JCAD: variants seen among roughly 807,000 people sequenced by gnomAD.
JCAD encodes junctional cadherin 5-associated protein.
Under a neutral mutation model 98.0 loss-of-function variants are expected in JCAD, and 40 were observed. The observed-to-expected ratio is 0.41, with a 90% CI of 0.32 to 0.53. The LOEUF (loss-of-function observed/expected upper bound fraction) is 0.53. Among genes scored for constraint, JCAD ranks in the 20% least tolerant of loss-of-function variants. The pLI is 0.31. For synonymous variants in JCAD, 691 were observed against 682.3 expected, an observed-to-expected ratio of 1.01 and a Z score of -0.20; for missense variants, 1,705 against 1,738.1, an observed-to-expected ratio of 0.98 and a Z score of 0.34.
Position 30,014,068 on chromosome 10 carries a change from C to A in JCAD, c.*3815G>T, listed in dbSNP as rs1056159314. 3 of 152,286 alleles carry A rather than the reference C, an allele frequency of 2.0e-5. No homozygotes were observed. In the East Asian group the frequency reaches 5.8e-4, roughly 29 times the overall value. The allele number at this position is 152,286 out of a possible 1,614,324, so 9.4% of individuals were successfully genotyped here. On this transcript the variant is annotated 3_prime_UTR_variant, in exon 4 of 4. Coordinates refer to ENST00000375377, the MANE Select transcript of JCAD (RefSeq NM_020848.4). ...CTTTAATGTTATTTTATCATCTCCCCCTTCTTAGTGTGGTGGGTCCCAGAG... is the reference window on the plus strand; with the variant it reads ...CTTTAATGTTATTTTATCATCTCCCACTTCTTAGTGTGGTGGGTCCCAGAG...
chr10:30,102,824 T>C (rs1189897806), intron 1 of JCAD, among the ~76,000 whole-genome samples: 1 of 151,628 alleles, frequency 6.6e-6, no homozygotes, highest in Non-Finnish European at 1.5e-5. Context: ...GGAGGCCTCA[T>C]AATCGTGGCA....
chr10:30,105,857 A>C (rs1185755204), intron 1 of JCAD, among the ~76,000 whole-genome samples: 1 of 152,214 alleles, frequency 6.6e-6, no homozygotes, highest in East Asian at 1.9e-4. Flanking sequence ...AGTGTAAAAC[A>C]TCAAAAGCTG....
At chr10:30,082,862 AAAAAAAAAAAAAAAAC>A (rs1230557064) in intron 1 of JCAD, among the ~76,000 whole-genome samples, 1 of 147,706 alleles carries the variant, frequency 6.8e-6, no homozygotes. Context: ...AAAAAAAAAA[AAAAAAAAAAAAAAAAC>A]AAAAAATTAG....
intron 1 of JCAD, among the ~76,000 whole-genome samples, chr10:30,052,267 T>A (rs1424193100): frequency 6.6e-6 from 1 of 152,194 alleles, no homozygotes; most frequent in Non-Finnish European, 1.5e-5. Flanking sequence ...CCTGAGTCAC[T>A]GCACAGGAGG....
At position 30,073,395 on chromosome 10, in the gene JCAD, T is replaced by C. The variant is rs533785975; in HGVS notation, n.129-3574A>G. ...AGCTGTTCTTACGCTGCACACTCCA[T>C]GAAGTTTGTGTGAGAATGAATGAGA... On this transcript the variant is annotated intron_variant and non_coding_transcript_variant, in intron 1 of 2. Transcript: ENST00000465712. 3.3e-5 allele frequency among the ~76,000 whole-genome samples: 5 copies of C among 152,290 alleles called. No individual in the cohort carries two copies. The East Asian group carries it at 9.7e-4, about 29-fold the overall frequency.
intron 2 of JCAD, among the ~76,000 whole-genome samples, chr10:30,042,044 G>C (rs1276622355): frequency 6.6e-6 from 1 of 152,046 alleles, no homozygotes; most frequent in Non-Finnish European, 1.5e-5. Context: ...GTCTTTTCCT[G>C]GACCACGTCA....
At chr10:30,103,988 G>A (rs188589568) in intron 1 of JCAD, among the ~76,000 whole-genome samples, 1 of 152,302 alleles carries the variant, frequency 6.6e-6, no homozygotes, top group East Asian at 1.9e-4. Flanking sequence ...CACAAAGAAA[G>A]TATCATGGGG....
chr10:30,019,646 G>T (rs1216905779), intron 3 of JCAD, among the ~76,000 whole-genome samples: 3 of 151,942 alleles, frequency 2.0e-5, no homozygotes, highest in Non-Finnish European at 4.4e-5. Context: ...CTGGCCAAAG[G>T]GTACAAACCC....
chr10:30,115,284 G>A (rs957824019), intron 1 of JCAD: 4 of 152,174 alleles, frequency 2.6e-5, no homozygotes, highest in African/African-American at 9.7e-5. Flanking sequence ...CTAGAAAGCA[G>A]CTGCCGTTTT....
Position 30,047,586 on chromosome 10 carries a change from G to T in JCAD, c.227C>A (p.Pro76Gln). ...VSDSESRRSTPRGHGEPQSTS... is the reference protein window; with the variant it reads ...VSDSESRRSTQRGHGEPQSTS... ...GCTCTGGGGCTCCCCGTGGCCTCTC[G>T]GTGTGCTGCGGCGGCTTTCGGAGTC... The change falls in exon 2 of 4, where the codon CCG (proline) becomes CAG (glutamine). Residue 76 changes from proline to glutamine, a missense_variant. Pro to Gln is a moderately conservative substitution (Grantham distance 76, BLOSUM62 -1). Coordinates refer to ENST00000375377, the MANE Select transcript of JCAD (RefSeq NM_020848.4). 6.2e-7 allele frequency: 1 copy of T among 1,614,112 alleles called. No homozygotes were observed. Among genetic ancestry groups the T allele is most frequent in the South Asian group, 1.1e-5 (1 of 91,076 alleles).
At chr10:30,063,076 TC>T (rs893677456), upstream of JCAD, among the ~76,000 whole-genome samples, 4 of 151,450 alleles carry the variant, frequency 2.6e-5, no homozygotes, top group Non-Finnish European at 5.9e-5. Flanking sequence ...AATTCCCTTA[TC>T]CCTACCCACT....
At chr10:30,038,323 G>A (rs555802513) in intron 2 of JCAD, among the ~76,000 whole-genome samples, 1 of 152,108 alleles carries the variant, frequency 6.6e-6, no homozygotes, top group Non-Finnish European at 1.5e-5. Flanking sequence ...AAAATCAGGG[G>A]CTGGGAGACT....
upstream of JCAD, among the ~76,000 whole-genome samples, chr10:30,063,773 G>A (rs1349345056): frequency 6.6e-6 from 1 of 151,836 alleles, no homozygotes; most frequent in East Asian, 1.9e-4. Context: ...AACTCATGTT[G>A]AAACTTAATC....
At chr10:30,044,544 C>T (rs1232319933) in intron 2 of JCAD, among the ~76,000 whole-genome samples, 1 of 152,120 alleles carries the variant, frequency 6.6e-6, no homozygotes, top group Non-Finnish European at 1.5e-5. Context: ...GGAGGCCAGC[C>T]CAGCAGAGGT....
chr10:30,019,539 T>G (rs1219526705), intron 3 of JCAD, among the ~76,000 whole-genome samples: 1 of 115,872 alleles, frequency 8.6e-6, no homozygotes. Context: ...CTCACCTATA[T>G]GTGGAATCAT....
chr10:30,055,693 T>C (rs1212264141), intron 1 of JCAD, among the ~76,000 whole-genome samples: 1 of 152,220 alleles, frequency 6.6e-6, no homozygotes, highest in Non-Finnish European at 1.5e-5. Flanking sequence ...AGTAATCATT[T>C]TAGGAGGACA....
chr10:30,092,064 A>ATAT (rs1447017693), intron 1 of JCAD, among the ~76,000 whole-genome samples: 17 of 19,014 alleles, frequency 8.9e-4, no homozygotes, highest in Non-Finnish European at 1.3e-3. Context: ...AAAAAAAAAA[A>ATAT]ATATATATAT....
intron 1 of JCAD, among the ~76,000 whole-genome samples, chr10:30,110,049 C>T (rs1011966975): frequency 6.6e-6 from 1 of 151,772 alleles, no homozygotes; most frequent in Non-Finnish European, 1.5e-5. Flanking sequence ...TATATGACCC[C>T]CCAATATATG....
chr10:30,070,153 G>A (rs1837859801), intron 1 of JCAD, among the ~76,000 whole-genome samples: 1 of 152,180 alleles, frequency 6.6e-6, no homozygotes, highest in Non-Finnish European at 1.5e-5. Flanking sequence ...TGAAATATAA[G>A]TCCGAGAAAA....
Sources: gnomAD v4.1 joint callset for allele counts (sites outside exome capture counted in the v4.1 genomes callset) on GRCh38, gnomAD v4.1.1 for gene constraint, MANE v1.5 for transcripts, NCBI Gene and HGNC (gene_info 2026-07-23, HGNC 2026-07-21) for gene names.